KCNH7: variants seen among roughly 807,000 people sequenced by gnomAD.
KCNH7 encodes the protein voltage-gated inwardly rectifying potassium channel KCNH7.
In KCNH7, 49 loss-of-function variants were observed where a neutral mutation model predicts 120.8. The observed-to-expected ratio is 0.41, with a 90% CI of 0.32 to 0.51. The LOEUF is 0.51. Among genes scored for constraint, KCNH7 ranks in the 20% least tolerant of loss-of-function variants. KCNH7 has a pLI of 0.38. For synonymous variants in KCNH7, 547 were observed against 516.1 expected (o/e 1.06, Z -0.81); for missense variants, 1,097 against 1,446.6 (o/e 0.76, Z 3.92).
At chr2:162,561,999 G>C (rs1201899037) in intron 2 of KCNH7, among the ~76,000 whole-genome samples, 6 of 152,054 alleles carry the variant, frequency 3.9e-5, no homozygotes. Flanking sequence ...TCATGAGTGG[G>C]AGTCGATCAA....
intron 2 of KCNH7, among the ~76,000 whole-genome samples, chr2:162,640,534 C>T (rs186805563): frequency 1.3e-4 from 20 of 151,972 alleles, no homozygotes; most frequent in African/African-American, 4.8e-4. Flanking sequence ...AAGTCTCAAA[C>T]CTTGTGCAAA....
chr2:162,667,100 G>A (rs531208255), intron 2 of KCNH7, among the ~76,000 whole-genome samples: 1 of 147,382 alleles, frequency 6.8e-6, no homozygotes, highest in South Asian at 2.2e-4. Flanking sequence ...GCCCACTGCA[G>A]CCTCGACCTC....
chr2:162,470,686 C>A (rs1368672960), intron 6 of KCNH7, among the ~76,000 whole-genome samples: 1 of 152,054 alleles, frequency 6.6e-6, no homozygotes, highest in East Asian at 1.9e-4. Flanking sequence ...CTCTGCCCAG[C>A]CGCCCCTACT....
intron 9 of KCNH7, among the ~76,000 whole-genome samples, chr2:162,413,129 AT>A (rs201489738): frequency 6.6e-6 from 1 of 151,468 alleles, no homozygotes; most frequent in Non-Finnish European, 1.5e-5. Flanking sequence ...AACACAAACC[AT>A]TTTTTTTGTT....
chr2:162,577,560 AG>A (rs998262832), intron 2 of KCNH7, among the ~76,000 whole-genome samples: 2 of 151,986 alleles, frequency 1.3e-5, no homozygotes, highest in Admixed American at 6.6e-5. Flanking sequence ...TCTTAGCACC[AG>A]ACTTAGCTTC....
chr2:162,704,994 G>A (rs527395518), intron 2 of KCNH7, among the ~76,000 whole-genome samples: 9 of 152,132 alleles, frequency 5.9e-5, no homozygotes, highest in African/African-American at 1.7e-4. Flanking sequence ...TTTAGTGATC[G>A]TTGTCATTAT....
At chr2:162,472,074 T>G (rs7575397) in intron 6 of KCNH7, among the ~76,000 whole-genome samples, 2 of 151,962 alleles carry the variant, frequency 1.3e-5, no homozygotes, top group African/African-American at 4.8e-5. Context: ...TTACACCTTA[T>G]ACAAAAATTA....
intron 8 of KCNH7, among the ~76,000 whole-genome samples, chr2:162,426,530 T>C (rs1227121644): frequency 3.3e-5 from 5 of 152,148 alleles, no homozygotes; most frequent in South Asian, 2.1e-4. Flanking sequence ...TTTGCTTTAG[T>C]TTAGGTATTA....
intron 2 of KCNH7, among the ~76,000 whole-genome samples, chr2:162,757,077 G>T (rs1688811774): frequency 6.6e-6 from 1 of 151,980 alleles, no homozygotes; most frequent in Non-Finnish European, 1.5e-5. Context: ...GAATCTCTTG[G>T]TTTAAAAATA....
At chr2:162,744,340 G>A (rs983794786) in intron 2 of KCNH7, among the ~76,000 whole-genome samples, 9 of 152,132 alleles carry the variant, frequency 5.9e-5, no homozygotes, top group Admixed American at 5.2e-4. Flanking sequence ...TCTCCAAAAT[G>A]TATAATTGCT....
chr2:162,491,117 C>A (rs1298126295), intron 6 of KCNH7, among the ~76,000 whole-genome samples: 3 of 152,190 alleles, frequency 2.0e-5, no homozygotes, highest in Admixed American at 6.5e-5. Flanking sequence ...TGTTGGCCAG[C>A]ATTTCCCACT....
chr2:162,508,119 A>G (rs1690944997), intron 5 of KCNH7, among the ~76,000 whole-genome samples: 2 of 151,616 alleles, frequency 1.3e-5, no homozygotes, highest in Non-Finnish European at 3.0e-5. Flanking sequence ...AATAGGTTAA[A>G]TTATCTCTGA....
intron 2 of KCNH7, among the ~76,000 whole-genome samples, chr2:162,794,691 T>G (rs2105526672): frequency 6.6e-6 from 1 of 152,178 alleles, no homozygotes; most frequent in South Asian, 2.1e-4. Flanking sequence ...CTTGATTGAA[T>G]TACCTGAAGT....
intron 7 of KCNH7, 68 bp downstream of exon 7, chr2:162,445,950 G>T: frequency 8.1e-7 from 1 of 1,231,816 alleles, no homozygotes; most frequent in Non-Finnish European, 1.1e-6. Context: ...TCTTCTTTTT[G>T]CAGTTAAAAT....
chr2:162,834,071 G>C (rs952219942), intron 2 of KCNH7, among the ~76,000 whole-genome samples: 10 of 152,044 alleles, frequency 6.6e-5, no homozygotes, highest in African/African-American at 2.4e-4. Flanking sequence ...CAAATATGTT[G>C]GTGATTTTGA....
intron 2 of KCNH7, among the ~76,000 whole-genome samples, chr2:162,777,972 C>G (rs991999246): frequency 3.3e-5 from 5 of 151,854 alleles, no homozygotes; most frequent in Non-Finnish European, 7.4e-5. Context: ...CTAACTTTGT[C>G]CAATATGGTG....
chr2:162,468,640 C>T (rs902576050), intron 6 of KCNH7, among the ~76,000 whole-genome samples: 2 of 150,738 alleles, frequency 1.3e-5, no homozygotes, highest in African/African-American at 4.9e-5. Context: ...CCTGCCTCAG[C>T]CTTCCAAATA....
intron 2 of KCNH7, among the ~76,000 whole-genome samples, chr2:162,599,593 A>G (rs1439336401): frequency 6.6e-6 from 1 of 150,678 alleles, no homozygotes; most frequent in East Asian, 1.9e-4. Context: ...AACTTTTTAT[A>G]TTTCCTACTC....
intron 3 of KCNH7, among the ~76,000 whole-genome samples, chr2:162,518,802 T>C (rs1449405200): frequency 6.7e-6 from 1 of 149,180 alleles, no homozygotes. Context: ...TTCTTTTTCC[T>C]GTTTTCTGTT....
Sources: allele counts gnomAD v4.1 joint callset (sites outside exome capture counted in the v4.1 genomes callset), GRCh38; gene constraint gnomAD v4.1.1; transcripts MANE v1.5; gene names NCBI Gene and HGNC (gene_info 2026-07-23, HGNC 2026-07-21).